The following KATNIP variants were observed in gnomAD, a reference collection of about 807,000 sequenced individuals.
KATNIP encodes the protein katanin interacting protein.
In KATNIP, 126 loss-of-function variants were observed where a neutral mutation model predicts 174.0. The observed-to-expected ratio is 0.72, with a 90% confidence interval of 0.63 to 0.84. KATNIP has a LOEUF of 0.84. Ranked by LOEUF, KATNIP falls within the 40% of genes least tolerant of loss-of-function variation. The pLI is 0.00. For missense variants in KATNIP, 1,958 were observed against 2,109.7 expected, an observed-to-expected ratio of 0.93 and a Z score of 1.41; for synonymous variants, 810 against 835.7, an observed-to-expected ratio of 0.97 and a Z score of 0.53.
chr16:27,596,234 G>A (rs2075330796), intron 2 of KATNIP, among the ~76,000 whole-genome samples: 1 of 152,172 alleles, frequency 6.6e-6, no homozygotes, highest in Non-Finnish European at 1.5e-5. Flanking sequence ...GCAGCTGTGG[G>A]GGTGCTGAGA....
Position 27,639,817 on chromosome 16 carries a change from G to A in KATNIP, c.408+8655G>A, listed in dbSNP as rs117855188. On this transcript the variant is annotated intron_variant, in intron 5 of 27. Transcript: ENST00000261588. ...AAGCATTGGCCTTTCCAGTGACCTTGCACAACACAGACTGTCAGAGTGGGG... is the reference window on the plus strand; with the variant it reads ...AAGCATTGGCCTTTCCAGTGACCTTACACAACACAGACTGTCAGAGTGGGG... Among the ~76,000 whole-genome samples, 1,356 of 152,332 alleles carry A rather than the reference G, an allele frequency of 8.9e-3. 15 individuals are homozygous for A. Among genetic ancestry groups the A allele is most frequent in the Middle Eastern group, 0.014 (4 of 294 alleles).
chr16:27,698,572 AG>A, intron 9 of KATNIP, 72 bp downstream of exon 9: 1 of 1,443,502 alleles, frequency 6.9e-7, no homozygotes, highest in Non-Finnish European at 9.2e-7. Flanking sequence ...GCAGTTGAGA[AG>A]AGCAAGTGTG....
intron 5 of KATNIP, among the ~76,000 whole-genome samples, chr16:27,643,871 A>C (rs2076877732): frequency 6.6e-6 from 1 of 151,994 alleles, no homozygotes; most frequent in Non-Finnish European, 1.5e-5. Flanking sequence ...CCAGGGCTTC[A>C]AGGGAAATGC....
chr16:27,557,975 C>G (rs2089699115), intron 1 of KATNIP, among the ~76,000 whole-genome samples: 1 of 152,116 alleles, frequency 6.6e-6, no homozygotes, highest in African/African-American at 2.4e-5. Flanking sequence ...GGAGACTTTG[C>G]CCTTTAAGAG....
chr16:27,754,032 G>A, intron 17 of KATNIP, 141 bp from the exon 18 acceptor site: 1 of 706,608 alleles, frequency 1.4e-6, no homozygotes, highest in Middle Eastern at 2.5e-4. Flanking sequence ...TTCCACAAAG[G>A]CAGAAAAATC....
intron 23 of KATNIP, among the ~76,000 whole-genome samples, chr16:27,773,436 C>G: frequency 6.6e-6 from 1 of 152,192 alleles, no homozygotes; most frequent in Non-Finnish European, 1.5e-5. Context: ...AACCAGAGTC[C>G]TGTGGTCCAG....
Position 27,771,629 on chromosome 16 carries a change from A to G in KATNIP, c.4175A>G (p.Glu1392Gly), listed in dbSNP as rs2082306082. ...CTGGAGTGTGCAAGCATGGACTACG[A>G]GGCACCGCTGATGCCCTGTGGCTGT... ...RSLECASMDYEAPLMPCGFIF... is the reference protein window; with the variant it reads ...RSLECASMDYGAPLMPCGFIF... Residue 1392 changes from glutamate to glycine, a missense_variant, in exon 22 of 28, where the codon GAG (glutamate) becomes GGG (glycine). Physicochemically the swap from Glu to Gly is moderately conservative, Grantham distance 98 (BLOSUM62 -2). Around this residue, in one of 3 missense-constraint regions of KATNIP, gnomAD observed 383 missense variants for 456.0 expected, o/e 0.84. Transcript: ENST00000261588. 6.2e-7 allele frequency: 1 copy of G among 1,613,422 alleles called. No homozygotes were observed. Among genetic ancestry groups the G allele is most frequent in the South Asian group, 1.1e-5 (1 of 90,922 alleles).
intron 14 of KATNIP, among the ~76,000 whole-genome samples, chr16:27,724,361 T>A (rs1473930590): frequency 6.6e-6 from 1 of 152,222 alleles, no homozygotes; most frequent in Non-Finnish European, 1.5e-5. Context: ...ATTGAATATA[T>A]ATCTCAGGGC....
At chr16:27,691,873 G>A (rs1176670603) in intron 8 of KATNIP, among the ~76,000 whole-genome samples, 2 of 152,194 alleles carry the variant, frequency 1.3e-5, no homozygotes, top group African/African-American at 4.8e-5. Context: ...ATGCCTTTGT[G>A]ACTCTCCTTG....
rs1339722921 is a variant in KATNIP, at chr16:27,776,635, G to A, written c.4450-293G>A. Among the ~76,000 whole-genome samples the A allele has an allele frequency of 2.6e-5, 4 of 152,208 alleles. No individual in the cohort carries two copies. Among genetic ancestry groups the A allele is most frequent in the African/African-American group, 9.7e-5 (4 of 41,436 alleles). ...GCCTGACCTGAGGGGACGTGGGGGA[G>A]GGCCGAGGATGTTCCCAATCCTCCA... On this transcript the variant is annotated intron_variant, in intron 24 of 27. Coordinates refer to ENST00000261588, the MANE Select transcript of KATNIP (RefSeq NM_015202.5). The surrounding 1 kb of genome is among the most constrained non-coding windows in gnomAD (Gnocchi z 4.7).
chr16:27,697,720 G>C (rs1401030810), intron 8 of KATNIP, among the ~76,000 whole-genome samples: 1 of 150,930 alleles, frequency 6.6e-6, no homozygotes, highest in Non-Finnish European at 1.5e-5. Flanking sequence ...ATCGATAGAG[G>C]GTGTGTGTGT....
At chr16:27,650,845 ATTAAAGTGGGG>A (rs2077100254) in intron 6 of KATNIP, among the ~76,000 whole-genome samples, 1 of 152,204 alleles carries the variant, frequency 6.6e-6, no homozygotes, top group African/African-American at 2.4e-5. Context: ...TGCCCAGTCC[ATTAAAGTGGGG>A]TTAAACAGTA....
At chr16:27,707,404 G>A (rs2079360814) in intron 12 of KATNIP, among the ~76,000 whole-genome samples, 1 of 152,212 alleles carries the variant, frequency 6.6e-6, no homozygotes, top group Non-Finnish European at 1.5e-5. Context: ...CAGGAAGGAG[G>A]CAGGCATTAA....
chr16:27,623,924 T>C lies in KATNIP; in HGVS notation c.141-4737T>C, dbSNP rs1247355164. On this transcript the variant is annotated intron_variant, in intron 3 of 27. Coordinates refer to ENST00000261588, the MANE Select transcript of KATNIP (RefSeq NM_015202.5). ...AAAGGGTCCTCATTGCCAGAGGCTC[T>C]GCCATTTCCCCAGCTTGCATGACCT... is the stretch of plus-strand genomic sequence containing the variant. Among the ~76,000 whole-genome samples the C allele has an allele frequency of 3.3e-5, 5 of 151,396 alleles. No individual in the cohort carries two copies. In the East Asian group the frequency reaches 7.9e-4, roughly 24 times the overall value.
chr16:27,576,894 G>T (rs1002822661), intron 2 of KATNIP, among the ~76,000 whole-genome samples: 13 of 152,218 alleles, frequency 8.5e-5, no homozygotes, highest in Admixed American at 8.5e-4. Flanking sequence ...GTAAGGTGGT[G>T]TGGCCAGCGC....
chr16:27,605,688 G>A (rs1596889993), intron 2 of KATNIP, among the ~76,000 whole-genome samples: 1 of 152,304 alleles, frequency 6.6e-6, no homozygotes, highest in African/African-American at 2.4e-5. Context: ...GTTTTGTGCT[G>A]TTTCATTCTA....
intron 13 of KATNIP, among the ~76,000 whole-genome samples, chr16:27,714,456 A>G (rs2079835582): frequency 6.6e-6 from 1 of 152,180 alleles, no homozygotes; most frequent in Non-Finnish European, 1.5e-5. Context: ...GGAGATAATT[A>G]TAGACTCACA....
At chr16:27,591,003 G>A (rs923457994) in intron 2 of KATNIP, among the ~76,000 whole-genome samples, 2 of 152,062 alleles carry the variant, frequency 1.3e-5, no homozygotes, top group Admixed American at 6.6e-5. Context: ...GCTGATATAC[G>A]GACTTGCTCT....
At position 27,631,174 on chromosome 16, in the gene KATNIP, G is replaced by C; in HGVS notation, c.408+12G>C. Reference sequence around the variant, plus strand: ...GAGGATGGCACCAGGTCTGGAGACTGTGGCCCCAGCCCACGCTTTAGAATA... The same window carrying C: ...GAGGATGGCACCAGGTCTGGAGACTCTGGCCCCAGCCCACGCTTTAGAATA... On this transcript the variant is annotated intron_variant, in intron 5 of 27. Transcript: ENST00000261588. The C allele has an allele frequency of 6.4e-7, 1 of 1,550,654 alleles. No homozygotes were observed. Among genetic ancestry groups the C allele is most frequent in the East Asian group, 2.4e-5 (1 of 41,690 alleles).
Sources: allele counts gnomAD v4.1 joint callset (sites outside exome capture counted in the v4.1 genomes callset), GRCh38; gene constraint gnomAD v4.1.1; regional missense constraint gnomAD v4.1.1; non-coding constraint Gnocchi (gnomAD v3.1); transcripts MANE v1.5; gene names NCBI Gene and HGNC (gene_info 2026-07-23, HGNC 2026-07-21).